KCNMA1: variants seen among roughly 807,000 people sequenced by gnomAD.
The protein encoded by KCNMA1 is Calcium-activated potassium channel subunit alpha-1.
Under a neutral mutation model 140.0 loss-of-function variants are expected in KCNMA1, and 29 were observed. The ratio of observed to expected loss-of-function variants is 0.21; its 90% CI spans 0.15 to 0.28. The LOEUF is 0.28. KCNMA1 is among the 10% of genes least tolerant of loss of function. The pLI, the probability that KCNMA1 is intolerant of heterozygous loss-of-function variation, is 1.00. For synonymous variants in KCNMA1, 612 were observed against 611.9 expected, an observed-to-expected ratio of 1.00 and a Z score of 0.00; for missense variants, 880 against 1,602.2, an observed-to-expected ratio of 0.55 and a Z score of 7.70.
At chr10:77,573,137 T>C (rs532431399) in intron 1 of KCNMA1, among the ~76,000 whole-genome samples, 7 of 152,278 alleles carry the variant, frequency 4.6e-5, no homozygotes, top group South Asian at 2.1e-4. Context: ...CAAAATATCT[T>C]ATATTTAAAT....
intron 2 of KCNMA1, among the ~76,000 whole-genome samples, chr10:77,382,757 C>G (rs2095434418): frequency 6.8e-6 from 1 of 147,994 alleles, no homozygotes; most frequent in South Asian, 2.2e-4. Flanking sequence ...CCCAGCTACT[C>G]AGGAGCCTGA....
chr10:77,601,247 C>T lies in KCNMA1; in HGVS notation c.378+36018G>A, dbSNP rs575251991. On this transcript the variant is annotated intron_variant, in intron 1 of 27. Transcript: ENST00000286628. Reference sequence around the variant, plus strand: ...GGAAGGTTCTGCCTGAGGTCCCATGCTGAACTAGCACACTCACATCCAGGG... The same window carrying T: ...GGAAGGTTCTGCCTGAGGTCCCATGTTGAACTAGCACACTCACATCCAGGG... Among the ~76,000 whole-genome samples the T allele has an allele frequency of 7.9e-5, 12 of 152,342 alleles. No homozygotes were observed. In the South Asian group the frequency reaches 1.2e-3, roughly 16 times the overall value.
chr10:77,180,111 A>G (rs1240603091), intron 5 of KCNMA1, among the ~76,000 whole-genome samples: 1 of 152,198 alleles, frequency 6.6e-6, no homozygotes. Flanking sequence ...CAGCAGGGCC[A>G]GGAAAGTTTG....
At chr10:77,302,218 C>T (rs368271393) in intron 2 of KCNMA1, among the ~76,000 whole-genome samples, 25 of 152,268 alleles carry the variant, frequency 1.6e-4, no homozygotes, top group African/African-American at 6.0e-4. Flanking sequence ...GAGTAACTTG[C>T]TCCCAATCCA....
chr10:76,928,318 C>T (rs2058345372), intron 23 of KCNMA1, among the ~76,000 whole-genome samples: 1 of 151,350 alleles, frequency 6.6e-6, no homozygotes, highest in African/African-American at 2.4e-5. Context: ...CACGCACATA[C>T]ACACACATAT....
chr10:77,456,551 A>C (rs1157164783), intron 1 of KCNMA1, among the ~76,000 whole-genome samples: 1 of 152,226 alleles, frequency 6.6e-6, no homozygotes, highest in Non-Finnish European at 1.5e-5. Context: ...TATCCCCGGC[A>C]GTTAGCAAAA....
intron 2 of KCNMA1, chr10:77,304,357 T>G (rs1217957233): frequency 1.3e-4 from 20 of 152,214 alleles, no homozygotes; most frequent in Non-Finnish European, 2.9e-5. Flanking sequence ...ATGATCCCAC[T>G]CAGGTTCCCT....
chr10:77,595,628 C>T (rs576119264), intron 1 of KCNMA1, among the ~76,000 whole-genome samples: 23 of 152,092 alleles, frequency 1.5e-4, no homozygotes, highest in East Asian at 1.9e-4. Context: ...AATAAAGAAG[C>T]GCGGATCAAC....
At chr10:77,236,965 T>C (rs1482471501) in intron 3 of KCNMA1, among the ~76,000 whole-genome samples, 14 of 152,226 alleles carry the variant, frequency 9.2e-5, no homozygotes, top group African/African-American at 3.4e-4. Context: ...TTTTAAATGC[T>C]TGTTTTTCCT....
chr10:77,319,070 T>C (rs184170397), intron 2 of KCNMA1, among the ~76,000 whole-genome samples: 112 of 152,256 alleles, frequency 7.4e-4, no homozygotes, highest in Non-Finnish European at 1.4e-3. Context: ...TACATATAAA[T>C]AAGAAACCAT....
At chr10:77,090,074 C>G (rs1389238061) in intron 10 of KCNMA1, among the ~76,000 whole-genome samples, 1 of 152,162 alleles carries the variant, frequency 6.6e-6, no homozygotes, top group East Asian at 1.9e-4. Flanking sequence ...AATGTGGACA[C>G]GCCAGATTGC....
At chr10:76,910,579 C>T (rs565927667) in intron 24 of KCNMA1, 2 of 260,606 alleles carry the variant, frequency 7.7e-6, no homozygotes, top group Non-Finnish European at 1.5e-5. Context: ...GGAATTCAGC[C>T]ACAGGCATAA....
intron 14 of KCNMA1, among the ~76,000 whole-genome samples, chr10:77,062,958 T>G (rs761225844): frequency 1.3e-5 from 2 of 152,188 alleles, no homozygotes; most frequent in Non-Finnish European, 2.9e-5. Context: ...CCAGAAGTCA[T>G]CTTCCGATTT....
At chr10:77,437,121 A>G (rs796597865) in intron 1 of KCNMA1, among the ~76,000 whole-genome samples, 3 of 152,244 alleles carry the variant, frequency 2.0e-5, no homozygotes, top group African/African-American at 7.2e-5. Context: ...TATCTTGACC[A>G]CCAGACAGAG....
intron 1 of KCNMA1, among the ~76,000 whole-genome samples, chr10:77,537,974 C>T (rs990315491): frequency 7.9e-5 from 12 of 152,096 alleles, no homozygotes; most frequent in Middle Eastern, 6.8e-3. Context: ...ACTGTATACA[C>T]ACGCACATAC....
intron 18 of KCNMA1, among the ~76,000 whole-genome samples, chr10:77,010,768 T>C (rs1411182113): frequency 1.3e-5 from 2 of 151,928 alleles, no homozygotes; most frequent in African/African-American, 4.8e-5. Context: ...AGGTCCTTCC[T>C]TCAGTGGCAT....
At chr10:77,352,932 C>T (rs1173900990) in intron 2 of KCNMA1, among the ~76,000 whole-genome samples, 6 of 152,186 alleles carry the variant, frequency 3.9e-5, no homozygotes, top group African/African-American at 1.4e-4. Flanking sequence ...TGACAGCTCT[C>T]CCCGACTTAG....
chr10:77,320,961 A>G (rs1431275586), intron 2 of KCNMA1, among the ~76,000 whole-genome samples: 5 of 151,994 alleles, frequency 3.3e-5, no homozygotes, highest in Non-Finnish European at 7.4e-5. Flanking sequence ...CTCATTCAAG[A>G]CTCTGTCCTC....
At chr10:77,528,440 C>T (rs1167794983) in intron 1 of KCNMA1, among the ~76,000 whole-genome samples, 1 of 151,954 alleles carries the variant, frequency 6.6e-6, no homozygotes, top group African/African-American at 2.4e-5. Flanking sequence ...GAAACCCTGT[C>T]TCTACTAAAA....
Sources: gnomAD v4.1 joint callset for allele counts (sites outside exome capture counted in the v4.1 genomes callset) on GRCh38, gnomAD v4.1.1 for gene constraint, MANE v1.5 for transcripts, NCBI Gene and HGNC (gene_info 2026-07-23, HGNC 2026-07-21) for gene names.